SBNO1: variants seen among roughly 807,000 people sequenced by gnomAD.
The protein encoded by SBNO1 is protein strawberry notch homolog 1.
SBNO1 carries 23 observed loss-of-function variants against 173.6 expected under a neutral mutation model. The ratio of observed to expected loss-of-function variants is 0.13; its 90% CI spans 0.10 to 0.19. SBNO1 has a LOEUF of 0.19. SBNO1 is among the 10% of genes least tolerant of loss of function. The probability of loss-of-function intolerance (pLI) is 1.00; values close to 1 mark genes in which losing one functional copy is unlikely to be tolerated. For synonymous variants in SBNO1, 632 were observed against 571.5 expected (o/e 1.11, Z -1.51); for missense variants, 1,238 against 1,671.2 (o/e 0.74, Z 4.52).
chr12:123,358,146 T>G (rs1031975000), intron 1 of SBNO1, among the ~76,000 whole-genome samples: 3 of 152,246 alleles, frequency 2.0e-5, no homozygotes, highest in African/African-American at 7.2e-5. Context: ...AATACACTTA[T>G]GTTTCATATA....
intron 1 of SBNO1, among the ~76,000 whole-genome samples, chr12:123,350,732 T>C (rs1873776879): frequency 1.3e-5 from 2 of 152,204 alleles, no homozygotes; most frequent in African/African-American, 2.4e-5. Flanking sequence ...AGAGATGTTA[T>C]AAAGATGACA....
intron 24 of SBNO1, among the ~76,000 whole-genome samples, chr12:123,311,746 A>ATTTTTTTT (rs1162916089): frequency 7.4e-6 from 1 of 135,948 alleles, no homozygotes; most frequent in African/African-American, 2.7e-5. Context: ...ATATATATAT[A>ATTTTTTTT]TATTTTTGCG....
At chr12:123,303,919 A>ATTT (rs2048851898) in intron 29 of SBNO1, among the ~76,000 whole-genome samples, 1 of 109,006 alleles carries the variant, frequency 9.2e-6, no homozygotes, top group Admixed American at 1.3e-4. Context: ...TAAAATAAGT[A>ATTT]TTCTTTTTTT....
chr12:123,336,579 T>A (rs1269191380), intron 5 of SBNO1, 88 bp from the exon 6 acceptor site: 1 of 759,366 alleles, frequency 1.3e-6, no homozygotes, highest in African/African-American at 1.8e-5. Context: ...TAGGAACACC[T>A]ACAAATTTCC....
Position 123,362,435 on chromosome 12 carries a change from C to CAAAA in SBNO1, c.-1+2262_-1+2265dup, listed in dbSNP as rs56019572. On this transcript the variant is annotated intron_variant, in intron 1 of 31. Coordinates refer to ENST00000602398, the MANE Select transcript of SBNO1 (RefSeq NM_001167856.3). The stretch of plus-strand genomic sequence containing the variant: ...TGGGCCACTGAGCGAGACTCCGTCT[C>CAAAA]AAAAAAAAAAAAAAAAAAAAAAAAA... 1.4e-4 allele frequency among the ~76,000 whole-genome samples: 7 copies of CAAAA among 49,738 alleles called. 1 individual carries two copies. The highest frequency in any genetic ancestry group is 9.0e-4 in the East Asian group (1 of 1,110). The allele number at this position is 49,738 out of a possible 152,430, so 32.6% of individuals were successfully genotyped here. A position where few individuals can be genotyped will look rare whatever the true frequency, so the allele number is the denominator to read the frequency against.
intron 1 of SBNO1, among the ~76,000 whole-genome samples, chr12:123,352,612 G>A (rs1019010716): frequency 1.3e-5 from 2 of 152,174 alleles, no homozygotes; most frequent in African/African-American, 4.8e-5. Flanking sequence ...CTTCTAGCAT[G>A]TAAGAACTGT....
Position 123,304,624 on chromosome 12 carries a change from G to A in SBNO1, c.3726C>T (p.Leu1242=). Residue 1242 remains leucine, a synonymous_variant, in exon 29 of 32, where the codon CTC becomes CTT. Transcript: ENST00000602398. ...LVYRPNTGKQ[L]KLEIYADLKK... ...TTAGATCAGCATAAATTTCTAATTT[G>A]AGCTGCTTCCCAGTATTTGGTCGAT... The A allele has an allele frequency of 1.3e-6, 2 of 1,570,354 alleles. No homozygotes were observed. The highest frequency in any genetic ancestry group is 1.8e-6 in the Non-Finnish European group (2 of 1,141,272).
intron 31 of SBNO1, among the ~76,000 whole-genome samples, chr12:123,297,485 T>C (rs1028701705): frequency 2.8e-5 from 4 of 143,476 alleles, no homozygotes; most frequent in Non-Finnish European, 6.0e-5. Flanking sequence ...GGAAGGCTGC[T>C]GTAAGCGAAA....
At chr12:123,364,150 C>A (rs947518566) in intron 1 of SBNO1, 1 of 985,556 alleles carries the variant, frequency 1.0e-6, no homozygotes, top group Non-Finnish European at 1.2e-6. Context: ...GCTTCCCCAC[C>A]GCCCCAAGAG....
rs556549263 is a variant in SBNO1, at chr12:123,289,645, T to G, written c.*6263A>C. 2.7e-4 allele frequency: 41 copies of G among 152,356 alleles called. No homozygotes were observed. Among genetic ancestry groups the G allele is most frequent in the African/African-American group, 9.1e-4 (38 of 41,582 alleles). The allele number at this position is 152,356 out of a possible 1,614,324, so 9.4% of individuals were successfully genotyped here. A position where few individuals can be genotyped will look rare whatever the true frequency, so the allele number is the denominator to read the frequency against. The stretch of plus-strand genomic sequence containing the variant: ...CCTGGCCAAAGTTTTATTGCAGAGA[T>G]ACAGTGTACCTCTTCCCACCTCTCA... On this transcript the variant is annotated 3_prime_UTR_variant, in exon 32 of 32. Coordinates refer to ENST00000602398, the MANE Select transcript of SBNO1 (RefSeq NM_001167856.3).
intron 6 of SBNO1, 108 bp downstream of exon 6, chr12:123,336,287 G>T: frequency 1.3e-6 from 1 of 751,090 alleles, no homozygotes; most frequent in Non-Finnish European, 2.2e-6. Context: ...AAAAGACTTT[G>T]ACCTAAAGCA....
Position 123,291,219 on chromosome 12 carries a change from G to A in SBNO1, c.*4689C>T, listed in dbSNP as rs532980378. 6.6e-6 allele frequency: 1 copy of A among 152,236 alleles called. No individual in the cohort carries two copies. Among genetic ancestry groups the A allele is most frequent in the African/African-American group, 2.4e-5 (1 of 41,534 alleles). The allele number at this position is 152,236 out of a possible 1,614,324, so 9.4% of individuals were successfully genotyped here. A position where few individuals can be genotyped will look rare whatever the true frequency, so the allele number is the denominator to read the frequency against. ...GGCCCGACTTCTTAAATAAACATAG[G>A]GAATTTGCTGCAGCAGCAGGCCAGA... is the stretch of plus-strand genomic sequence containing the variant. On this transcript the variant is annotated 3_prime_UTR_variant, in exon 32 of 32. Coordinates refer to ENST00000602398, the MANE Select transcript of SBNO1 (RefSeq NM_001167856.3).
At chr12:123,312,516 A>C (rs893083548) in intron 24 of SBNO1, among the ~76,000 whole-genome samples, 2 of 152,106 alleles carry the variant, frequency 1.3e-5, no homozygotes, top group African/African-American at 4.8e-5. Flanking sequence ...TTTCAAGACC[A>C]GCCTGGTCAA....
intron 1 of SBNO1, among the ~76,000 whole-genome samples, chr12:123,350,816 G>C (rs1418866637): frequency 1.3e-5 from 2 of 152,144 alleles, no homozygotes; most frequent in South Asian, 2.1e-4. Flanking sequence ...ATAGAGGTAT[G>C]AAAGAATTTG....
intron 30 of SBNO1, among the ~76,000 whole-genome samples, chr12:123,299,982 G>A (rs2048732061): frequency 6.6e-6 from 1 of 152,148 alleles, no homozygotes; most frequent in Non-Finnish European, 1.5e-5. Flanking sequence ...TAGTGGGAAG[G>A]ACTCAGCAAT....
intron 30 of SBNO1, among the ~76,000 whole-genome samples, chr12:123,300,554 A>T (rs975030289): frequency 3.3e-5 from 5 of 152,130 alleles, no homozygotes; most frequent in African/African-American, 4.8e-5. Context: ...GCTACTCAGG[A>T]GGCTGAGGCA....
chr12:123,350,860 G>GCGGTGGCCCACA (rs11270010), intron 1 of SBNO1, among the ~76,000 whole-genome samples: 1 of 152,084 alleles, frequency 6.6e-6, no homozygotes, highest in African/African-American at 2.4e-5. Context: ...GAGGCCAGAT[G>GCGGTGGCCCACA]CCTGTAATCC....
intron 16 of SBNO1, among the ~76,000 whole-genome samples, chr12:123,323,297 C>CCTAAAATAAAG (rs1252658627): frequency 6.6e-6 from 1 of 152,170 alleles, no homozygotes; most frequent in East Asian, 1.9e-4. Flanking sequence ...CAAAATATAG[C>CCTAAAATAAAG]CACTTTAAAA....
intron 7 of SBNO1, among the ~76,000 whole-genome samples, chr12:123,333,315 C>A (rs1451785404): frequency 6.6e-6 from 1 of 152,012 alleles, no homozygotes; most frequent in Non-Finnish European, 1.5e-5. Context: ...TAAAAGCCCA[C>A]ACAACACCCC....
Sources: allele counts gnomAD v4.1 joint callset (sites outside exome capture counted in the v4.1 genomes callset), GRCh38; gene constraint gnomAD v4.1.1; transcripts MANE v1.5; gene names NCBI Gene and HGNC (gene_info 2026-07-23, HGNC 2026-07-21).